The following GTF3C3 variants were observed in gnomAD, a reference collection of about 807,000 sequenced individuals.
GTF3C3 encodes the protein general transcription factor IIIC subunit 3.
A neutral mutation model predicts 105.2 loss-of-function variants in GTF3C3; 75 were observed. The ratio of observed to expected loss-of-function variants is 0.71; its 90% CI spans 0.59 to 0.86. The LOEUF is 0.86. GTF3C3 is among the 40% of genes least tolerant of loss of function. GTF3C3 has a pLI of 0.00. For missense variants in GTF3C3, 856 were observed against 1,076.5 expected (o/e 0.80, Z 2.87); for synonymous variants, 335 against 370.4 (o/e 0.90, Z 1.10).
intron 1 of GTF3C3, among the ~76,000 whole-genome samples, chr2:196,798,667 T>G (rs1484388465): frequency 1.3e-5 from 2 of 151,848 alleles, no homozygotes; most frequent in Non-Finnish European, 2.9e-5. Context: ...TTTGAGACCA[T>G]CCTGGCCAAC....
chr2:196,797,918 C>G lies in GTF3C3; in HGVS notation c.103-10G>C. The G allele has an allele frequency of 1.4e-6, 2 of 1,420,762 alleles. No individual in the cohort carries two copies. Among genetic ancestry groups the G allele is most frequent in the Non-Finnish European group, 2.0e-6 (2 of 1,003,444 alleles). 88.0% of individuals were successfully genotyped at this position (1,420,762 alleles called of 1,614,324 possible). ...CTTTTTCCTGAAGACTCTGTGATTG[C>G]AAATTAATTAATGATTCCAAAAAAT... On this transcript the variant is annotated splice_polypyrimidine_tract_variant and intron_variant, in intron 1 of 17. Coordinates refer to ENST00000263956, the MANE Select transcript of GTF3C3 (RefSeq NM_012086.5).
Position 196,766,609 on chromosome 2 carries a change from G to A in GTF3C3, c.2494C>T (p.His832Tyr). 2 of 1,612,772 alleles carry A rather than the reference G, an allele frequency of 1.2e-6. No homozygotes were observed. Among genetic ancestry groups the A allele is most frequent in the South Asian group, 1.1e-5 (1 of 90,912 alleles). Residue 832 changes from histidine to tyrosine, a missense_variant, in exon 17 of 18, where the codon CAC becomes TAC. Transcript: ENST00000263956. ...AGCTCCAGGGCCTTCTGATAATAGT[G>A]GATTGCAAGATGAATCAGCCCCAAC... ...HQLGLIHLAI[H>Y]YYQKALELPP...
chr2:196,783,745 A>G (rs1699407169), intron 8 of GTF3C3, among the ~76,000 whole-genome samples: 1 of 151,934 alleles, frequency 6.6e-6, no homozygotes, highest in African/African-American at 2.4e-5. Context: ...GCTCTCCTCT[A>G]TTTTCCCATA....
rs779795238 is a variant in GTF3C3, at chr2:196,776,426, C to G, written c.1593+1G>C. 6.2e-7 allele frequency: 1 copy of G among 1,612,224 alleles called. No individual in the cohort carries two copies. Among genetic ancestry groups the G allele is most frequent in the Non-Finnish European group, 8.5e-7 (1 of 1,178,708 alleles). ...ACTTCCCTCTATGTGACATGGCCCA[C>G]CTGCTGTGCAGCATTTGCATCCTGT... On this transcript the variant is annotated splice_donor_variant, in intron 11 of 17. Transcript: ENST00000263956. LOFTEE classifies it high-confidence loss of function. The surrounding 1 kb of genome is among the most constrained non-coding windows in gnomAD (Gnocchi z 4.5).
intron 7 of GTF3C3, 113 bp downstream of exon 7, chr2:196,785,328 G>T: frequency 1.4e-6 from 1 of 692,958 alleles, no homozygotes; most frequent in Non-Finnish European, 2.4e-6. Context: ...TTTCCATATA[G>T]ACTTTAAATA....
At chr2:196,787,083 C>A (rs1391301625) in intron 6 of GTF3C3, among the ~76,000 whole-genome samples, 1 of 152,080 alleles carries the variant, frequency 6.6e-6, no homozygotes, top group Non-Finnish European at 1.5e-5. Flanking sequence ...GTCCTCTATA[C>A]CCTGTCCACC....
chr2:196,795,436 G>A (rs1331565031), intron 2 of GTF3C3, among the ~76,000 whole-genome samples: 1 of 152,148 alleles, frequency 6.6e-6, no homozygotes, highest in Non-Finnish European at 1.5e-5. Flanking sequence ...TACATGTTCT[G>A]AGCAATAAAT....
intron 2 of GTF3C3, among the ~76,000 whole-genome samples, chr2:196,794,844 T>C (rs1020729669): frequency 6.6e-5 from 10 of 151,740 alleles, no homozygotes; most frequent in African/African-American, 2.4e-4. Flanking sequence ...TTCTCATGCC[T>C]CAGCCTCCCG....
intron 15 of GTF3C3, among the ~76,000 whole-genome samples, chr2:196,770,603 C>A (rs1161914068): frequency 6.6e-6 from 1 of 152,060 alleles, no homozygotes; most frequent in Non-Finnish European, 1.5e-5. Flanking sequence ...TACATGTATT[C>A]CATATATACA....
intron 8 of GTF3C3, among the ~76,000 whole-genome samples, chr2:196,781,357 A>AAAAAAAAAAATATAT: frequency 5.3e-5 from 1 of 18,818 alleles, no homozygotes; most frequent in African/African-American, 1.0e-4. Context: ...AAAAAAAAAA[A>AAAAAAAAAAATATAT]ATATATATAT....
chr2:196,764,107 T>A lies in GTF3C3; in HGVS notation c.*456A>T, dbSNP rs1429957937. On this transcript the variant is annotated 3_prime_UTR_variant, in exon 18 of 18. Transcript: ENST00000263956. ...ACATAACTATTTTAAATAATTTTCTTAGGTGCTTAGTTATCATGGTCATGA... is the reference window on the plus strand; with the variant it reads ...ACATAACTATTTTAAATAATTTTCTAAGGTGCTTAGTTATCATGGTCATGA... 1 of 152,348 alleles carries A rather than the reference T, an allele frequency of 6.6e-6. No individual in the cohort carries two copies. The highest frequency in any genetic ancestry group is 1.5e-5 in the Non-Finnish European group (1 of 68,100). The allele number at this position is 152,348 out of a possible 1,614,324, so 9.4% of individuals were successfully genotyped here. A position where few individuals can be genotyped will look rare whatever the true frequency, so the allele number is the denominator to read the frequency against.
intron 2 of GTF3C3, 150 bp from the exon 3 acceptor site, chr2:196,793,302 A>G: frequency 1.6e-6 from 1 of 608,106 alleles, no homozygotes; most frequent in Non-Finnish European, 2.9e-6. Flanking sequence ...AACCAAACCA[A>G]AGAAGAAAGT....
chr2:196,773,203 A>G, intron 13 of GTF3C3, 50 bp from the exon 14 acceptor site: 1 of 1,016,076 alleles, frequency 9.8e-7, no homozygotes, highest in Admixed American at 2.3e-5. Flanking sequence ...TTCCAGAAAT[A>G]GCAGTATTAG....
chr2:196,797,701 CAG>C, intron 2 of GTF3C3, 94 bp downstream of exon 2: 13 of 741,926 alleles, frequency 1.8e-5, no homozygotes. Flanking sequence ...TAATCAACAA[CAG>C]AGTATCACTG....
intron 2 of GTF3C3, among the ~76,000 whole-genome samples, chr2:196,795,855 C>G (rs1172859415): frequency 6.6e-6 from 1 of 152,162 alleles, no homozygotes; most frequent in Admixed American, 6.5e-5. Flanking sequence ...TATTAAGTCA[C>G]AGATGACATG....
In GTF3C3 at chr2:196,771,950, G is replaced by A; in HGVS notation, c.2070-12C>T. 1 of 1,580,424 alleles carries A rather than the reference G, an allele frequency of 6.3e-7. No individual in the cohort carries two copies. The highest frequency in any genetic ancestry group is 8.7e-7 in the Non-Finnish European group (1 of 1,149,478). ...CCATTACCATTATCCTAAAATTGCA[G>A]GAAGAGGGTGAGGGAGAAAATAATG... On this transcript the variant is annotated splice_polypyrimidine_tract_variant and intron_variant, in intron 14 of 17. Coordinates refer to ENST00000263956, the MANE Select transcript of GTF3C3 (RefSeq NM_012086.5).
chr2:196,765,719 A>AAAAC (rs1559295861), intron 17 of GTF3C3, among the ~76,000 whole-genome samples: 1 of 151,830 alleles, frequency 6.6e-6, no homozygotes, highest in East Asian at 1.9e-4. Context: ...CAGTAATAGA[A>AAAAC]AAACAATTGT....
chr2:196,769,999 AGGTTC>A lies in GTF3C3; in HGVS notation c.2296_2300del (p.Glu766SerfsTer3). 6.3e-7 allele frequency: 1 copy of A among 1,581,242 alleles called. No homozygotes were observed. The highest frequency in any genetic ancestry group is 1.2e-5 in the South Asian group (1 of 85,694). ...TTAGGCCTATACAGAAGCTATAGAG[AGGTTC>A]GTCAGGGTGAGTGCGAAAGGCTTGC... On this transcript the variant is annotated frameshift_variant, in exon 16 of 18. Transcript: ENST00000263956. LOFTEE classifies it high-confidence loss of function.
rs753013603 is a variant in GTF3C3 at position 196,772,882 on chromosome 2, A to G, written c.2069+34T>C. ...AAAGTACATGTACTTACTCTATTAA[A>G]GAATCTAATTAAAATAAATAACTGG... is the stretch of plus-strand genomic sequence containing the variant. On this transcript the variant is annotated intron_variant, in intron 14 of 17. Transcript: ENST00000263956. The G allele has an allele frequency of 2.9e-5, 31 of 1,072,936 alleles. No individual in the cohort carries two copies. The East Asian group carries it at 7.1e-4, about 25-fold the overall frequency. 66.5% of individuals were successfully genotyped at this position (1,072,936 alleles called of 1,614,324 possible). A position where few individuals can be genotyped will look rare whatever the true frequency, so the allele number is the denominator to read the frequency against.
Sources: gnomAD v4.1 joint callset for allele counts (sites outside exome capture counted in the v4.1 genomes callset) on GRCh38, gnomAD v4.1.1 for gene constraint, Gnocchi (gnomAD v3.1) non-coding constraint, MANE v1.5 for transcripts, NCBI Gene and HGNC (gene_info 2026-07-23, HGNC 2026-07-21) for gene names.